Variants in YPEL3 observed in about 807,000 individuals in gnomAD.
The protein encoded by YPEL3 is yippee like 3, also known as protein yippee-like 3.
In YPEL3, 5 loss-of-function variants were observed where a neutral mutation model predicts 17.5. That is an observed-to-expected ratio of 0.29 (90% CI 0.15 to 0.60). The LOEUF is 0.60. Ranked by LOEUF, YPEL3 falls within the 20% of genes least tolerant of loss-of-function variation. YPEL3 has a pLI of 0.87. For synonymous variants in YPEL3, 87 were observed against 87.2 expected, an observed-to-expected ratio of 1.00 and a Z score of 0.01; for missense variants, 155 against 211.4, an observed-to-expected ratio of 0.73 and a Z score of 1.65.
At chr16:30,094,327 A>C (rs2072770241) in intron 3 of YPEL3, 1 of 180,642 alleles carries the variant, frequency 5.5e-6, no homozygotes, top group Non-Finnish European at 1.2e-5. Flanking sequence ...AAGGGTTTGG[A>C]GTGAAAAAAA....
Position 30,095,755 on chromosome 16 carries a change from C to T in YPEL3, c.-273G>A. On this transcript the variant is annotated 5_prime_UTR_variant, in exon 1 of 4. An upstream start codon of the reference 5' UTR is lost. Transcript: ENST00000398841. This position sits in a 1 kb window ranked among gnomAD's most constrained non-coding sequence, Gnocchi z 5.4. ...CTGTCAGTTCCCAGTTTCGGGGGAG[C>T]ATGGGCGGGTAGGCACTGGTTGGTC... The T allele has an allele frequency of 2.2e-6, 1 of 455,890 alleles. No homozygotes were observed. The highest frequency in any genetic ancestry group is 3.9e-6 in the Non-Finnish European group (1 of 256,790). 28.2% of individuals were successfully genotyped at this position (455,890 alleles called of 1,614,324 possible).
In YPEL3 at chr16:30,095,497, G is replaced by A; in HGVS notation, c.-15C>T. On this transcript the variant is annotated 5_prime_UTR_variant, in exon 1 of 4. Coordinates refer to ENST00000398841, the MANE Select transcript of YPEL3 (RefSeq NM_031477.5). The surrounding 1 kb of genome is among the most constrained non-coding windows in gnomAD (Gnocchi z 5.4). Reference sequence around the variant, plus strand: ...GCCACACACATGCGAGGCACTCCCAGAGCCGTGGGGACTCGCTCTGTCACA... The same window carrying A: ...GCCACACACATGCGAGGCACTCCCAAAGCCGTGGGGACTCGCTCTGTCACA... 6.8e-7 allele frequency: 1 copy of A among 1,479,692 alleles called. No individual in the cohort carries two copies. The highest frequency in any genetic ancestry group is 1.4e-5 in the African/African-American group (1 of 70,894). 91.7% of individuals were successfully genotyped at this position (1,479,692 alleles called of 1,614,324 possible).
chr16:30,092,724 T>C lies in YPEL3; in HGVS notation c.460A>G (p.Asn154Asp). Reference protein sequence around the residue: ...IIELNHMIKDNGWD With the variant: ...IIELNHMIKDDGWD ...GGGAGCGGGGGTCAGTCCCAGCCGT[T>C]GTCTTTGATCATGTGGTTGAGTTCA... Residue 154 changes from asparagine to aspartate, a missense_variant, in exon 4 of 4, where the codon AAC (asparagine) becomes GAC (aspartate). Physicochemically the swap from Asn to Asp is conservative, Grantham distance 23. Around this residue, in one of 3 missense-constraint regions of YPEL3, gnomAD observed 23 missense variants for 16.4 expected, o/e 1.40. Transcript: ENST00000398841. 3 of 1,614,170 alleles carry C rather than the reference T, an allele frequency of 1.9e-6. No homozygotes were observed. Among genetic ancestry groups the C allele is most frequent in the Non-Finnish European group, 2.5e-6 (3 of 1,180,020 alleles).
At chr16:30,093,971 G>A (rs2072767505) in intron 3 of YPEL3, 2 of 152,528 alleles carry the variant, frequency 1.3e-5, no homozygotes, top group East Asian at 3.9e-4. Flanking sequence ...AGGGTCAGCA[G>A]CGAGCTCAGG....
intron 3 of YPEL3, 29 bp from the exon 4 acceptor site, chr16:30,092,828 C>G (rs767884724): frequency 6.2e-7 from 1 of 1,601,996 alleles, no homozygotes; most frequent in South Asian, 1.1e-5. Flanking sequence ...CCGTCATCCC[C>G]GGAGCAACAG....
intron 3 of YPEL3, 168 bp downstream of exon 3, chr16:30,094,621 G>C: frequency 1.5e-6 from 1 of 687,322 alleles, no homozygotes; most frequent in Admixed American, 2.2e-5. Flanking sequence ...TAAGAGAAAA[G>C]TTCTACACCC....
intron 3 of YPEL3, 126 bp from the exon 4 acceptor site, chr16:30,092,925 C>T: frequency 1.3e-6 from 1 of 740,866 alleles, no homozygotes; most frequent in Non-Finnish European, 2.3e-6. Context: ...GGGGCAGGGC[C>T]GTATTTCTCA....
chr16:30,093,453 G>A (rs553684879), intron 3 of YPEL3, among the ~76,000 whole-genome samples: 22 of 152,018 alleles, frequency 1.4e-4, no homozygotes, highest in Middle Eastern at 6.8e-3. Flanking sequence ...TAGAGATGGG[G>A]TTTCACCATG....
chr16:30,094,642 G>A (rs970058815), intron 3 of YPEL3, 147 bp downstream of exon 3: 14 of 766,320 alleles, frequency 1.8e-5, no homozygotes, highest in African/African-American at 1.2e-4. Flanking sequence ...CTTGCAAGGT[G>A]CAAGATAAAG....
chr16:30,094,690 C>T, intron 3 of YPEL3, 99 bp downstream of exon 3: 3 of 1,125,180 alleles, frequency 2.7e-6, no homozygotes, highest in Non-Finnish European at 4.1e-6. Context: ...GTGAGCTCGG[C>T]CTATGCAATC....
At chr16:30,092,917 G>A in intron 3 of YPEL3, 118 bp from the exon 4 acceptor site, 3 of 803,224 alleles carry the variant, frequency 3.7e-6, no homozygotes, top group South Asian at 1.5e-5. Context: ...GGCCCAGAGG[G>A]GCAGGGCCGT....
rs777945028 is a variant in YPEL3, at chr16:30,092,748, C to T, written c.436G>A (p.Glu146Lys). 6.2e-7 allele frequency: 1 copy of T among 1,614,028 alleles called. No individual in the cohort carries two copies. The highest frequency in any genetic ancestry group is 1.3e-5 in the African/African-American group (1 of 74,908). Reference sequence around the variant, plus strand: ...TTGTCTTTGATCATGTGGTTGAGTTCAATGATGTACTTCCCCTCTTTGTAC... The same window carrying T: ...TTGTCTTTGATCATGTGGTTGAGTTTAATGATGTACTTCCCCTCTTTGTAC... ...QKYKEGKYII[E>K]LNHMIKDNGW... The change falls in exon 4 of 4, where the codon GAA becomes AAA. Residue 146 changes from glutamate to lysine, a missense_variant. Glu to Lys is a moderately conservative substitution (Grantham distance 56). This residue lies in a region of YPEL3 where 23 missense variants were observed against 16.4 expected (regional missense o/e 1.40). Coordinates refer to ENST00000398841, the MANE Select transcript of YPEL3 (RefSeq NM_031477.5).
chr16:30,092,612 G>A lies in YPEL3; in HGVS notation c.*98C>T. On this transcript the variant is annotated 3_prime_UTR_variant, in exon 4 of 4. Coordinates refer to ENST00000398841, the MANE Select transcript of YPEL3 (RefSeq NM_031477.5). Reference sequence around the variant, plus strand: ...GGAGCTAGATCCGTCCTCTGCAGGGGCTCTGAGGGTCCAGAGCTCCCTTCG... The same window carrying A: ...GGAGCTAGATCCGTCCTCTGCAGGGACTCTGAGGGTCCAGAGCTCCCTTCG... The A allele has an allele frequency of 1.8e-6, 2 of 1,090,946 alleles. No homozygotes were observed. The allele number at this position is 1,090,946 out of a possible 1,614,324, so 67.6% of individuals were successfully genotyped here.
rs967344216 is a variant in YPEL3, at chr16:30,095,623, G to T, written c.-141C>A. ...GGAGGCCTCAGGTTGCATCCATGGG[G>T]AAACTGAGGCTCGGAGGTGCCCAGG... On this transcript the variant is annotated 5_prime_UTR_variant, in exon 1 of 4. Coordinates refer to ENST00000398841, the MANE Select transcript of YPEL3 (RefSeq NM_031477.5). This position sits in a 1 kb window ranked among gnomAD's most constrained non-coding sequence, Gnocchi z 5.4. 1.4e-5 allele frequency: 10 copies of T among 726,694 alleles called. No homozygotes were observed. Among genetic ancestry groups the T allele is most frequent in the Non-Finnish European group, 1.9e-5 (9 of 469,014 alleles). The allele number at this position is 726,694 out of a possible 1,614,324, so 45.0% of individuals were successfully genotyped here. A position where few individuals can be genotyped will look rare whatever the true frequency, so the allele number is the denominator to read the frequency against.
Position 30,092,543 on chromosome 16 carries a change from T to G in YPEL3, c.*167A>C. On this transcript the variant is annotated 3_prime_UTR_variant, in exon 4 of 4. Transcript: ENST00000398841. ...GTGCGGGGGCGTCGTCCCCCTTCTG[T>G]TCTCCCCCCAAGGTCACAGTGCATG... 1.6e-6 allele frequency: 1 copy of G among 611,554 alleles called. No homozygotes were observed. Among genetic ancestry groups the G allele is most frequent in the Non-Finnish European group, 2.8e-6 (1 of 354,886 alleles). The allele number at this position is 611,554 out of a possible 1,614,324, so 37.9% of individuals were successfully genotyped here. A position where few individuals can be genotyped will look rare whatever the true frequency, so the allele number is the denominator to read the frequency against.
chr16:30,093,413 A>G lies in YPEL3; in HGVS notation c.385-614T>C, dbSNP rs370781642. Among the ~76,000 whole-genome samples, 50 of 151,960 alleles carry G rather than the reference A, an allele frequency of 3.3e-4. No homozygotes were observed. In the East Asian group the frequency reaches 7.9e-3, roughly 24 times the overall value. On this transcript the variant is annotated intron_variant, in intron 3 of 3. Transcript: ENST00000398841. ...GTAGCTGGGATTACAGGCGCCCACC[A>G]CCACGCCGAGCTAATTTTTGTATTT...
Position 30,095,647 on chromosome 16 carries a change from G to A in YPEL3, c.-165C>T. On this transcript the variant is annotated 5_prime_UTR_variant, in exon 1 of 4. Coordinates refer to ENST00000398841, the MANE Select transcript of YPEL3 (RefSeq NM_031477.5). The surrounding 1 kb of genome is among the most constrained non-coding windows in gnomAD (Gnocchi z 5.4). ...GGAAACTGAGGCTCGGAGGTGCCCA[G>A]GGTGAGTCACCCGCCTGCTTCCGGC... is the stretch of plus-strand genomic sequence containing the variant. The A allele has an allele frequency of 1.7e-6, 1 of 601,110 alleles. No individual in the cohort carries two copies. Among genetic ancestry groups the A allele is most frequent in the Non-Finnish European group, 2.8e-6 (1 of 359,880 alleles). The allele number at this position is 601,110 out of a possible 1,614,324, so 37.2% of individuals were successfully genotyped here.
At position 30,092,667 on chromosome 16, in the gene YPEL3, C is replaced by A; in HGVS notation, c.*43G>T. On this transcript the variant is annotated 3_prime_UTR_variant, in exon 4 of 4. Coordinates refer to ENST00000398841, the MANE Select transcript of YPEL3 (RefSeq NM_031477.5). ...GCGGGAAGCCAGTGGCGCTCCCTGG[C>A]GGCCAGGCCGGGCTGGAGCCACATG... 6.2e-7 allele frequency: 1 copy of A among 1,602,312 alleles called. No individual in the cohort carries two copies. Among genetic ancestry groups the A allele is most frequent in the Non-Finnish European group, 8.5e-7 (1 of 1,170,662 alleles).
At chr16:30,094,764 C>T in intron 3 of YPEL3, 25 bp downstream of exon 3, 1 of 1,609,202 alleles carries the variant, frequency 6.2e-7, no homozygotes, top group Non-Finnish European at 8.5e-7. Flanking sequence ...AAAGGCTAGC[C>T]TGGGGTCAGA....
Sources: gnomAD v4.1 joint callset for allele counts (sites outside exome capture counted in the v4.1 genomes callset) on GRCh38, gnomAD v4.1.1 for gene constraint, gnomAD v4.1.1 regional missense constraint, Gnocchi (gnomAD v3.1) non-coding constraint, MANE v1.5 for transcripts, NCBI Gene and HGNC (gene_info 2026-07-23, HGNC 2026-07-21) for gene names.